SCP2: variants seen among roughly 807,000 people sequenced by gnomAD.
SCP2 encodes the protein sterol carrier protein 2.
A neutral mutation model predicts 71.4 loss-of-function variants in SCP2; 48 were observed. That is an observed-to-expected ratio of 0.67 (90% CI 0.53 to 0.86). The LOEUF (loss-of-function observed/expected upper bound fraction) is 0.86. Ranked by LOEUF, SCP2 falls within the 40% of genes least tolerant of loss-of-function variation. SCP2 has a pLI of 0.00. For missense variants in SCP2, 560 were observed against 655.6 expected (o/e 0.85, Z 1.59); for synonymous variants, 220 against 218.1 (o/e 1.01, Z -0.08).
chr1:53,024,175 A>G (rs1370723915), intron 12 of SCP2, among the ~76,000 whole-genome samples: 1 of 152,228 alleles, frequency 6.6e-6, no homozygotes, highest in Non-Finnish European at 1.5e-5. Context: ...ACATTATGCC[A>G]AGTGATATGT....
chr1:52,995,984 A>G, intron 11 of SCP2: 1 of 1,407,154 alleles, frequency 7.1e-7, no homozygotes, highest in South Asian at 2.1e-5. Flanking sequence ...CCACCACAGA[A>G]GAGGAGGAGG....
At chr1:52,939,868 T>C (rs1288548427) in intron 1 of SCP2, among the ~76,000 whole-genome samples, 1 of 151,932 alleles carries the variant, frequency 6.6e-6, no homozygotes, top group African/African-American at 2.4e-5. Flanking sequence ...CAGGGTTTCA[T>C]CATGTTGACC....
intron 11 of SCP2, among the ~76,000 whole-genome samples, chr1:53,010,260 C>T (rs543947859): frequency 1.3e-5 from 2 of 152,272 alleles, no homozygotes; most frequent in South Asian, 4.2e-4. Flanking sequence ...GCATTTGACC[C>T]AGCCATCCCA....
At chr1:53,013,503 G>A (rs1353947600) in intron 11 of SCP2, among the ~76,000 whole-genome samples, 2 of 151,900 alleles carry the variant, frequency 1.3e-5, no homozygotes, top group African/African-American at 4.8e-5. Flanking sequence ...GCTGAGGCAG[G>A]AGAATCGCTG....
chr1:53,004,273 C>T (rs1660490595), intron 11 of SCP2, among the ~76,000 whole-genome samples: 2 of 152,126 alleles, frequency 1.3e-5, no homozygotes, highest in Admixed American at 6.5e-5. Flanking sequence ...AGACTGTAAT[C>T]GACTGAGGGT....
chr1:53,028,204 T>C, intron 13 of SCP2, 133 bp downstream of exon 13: 1 of 642,188 alleles, frequency 1.6e-6, no homozygotes, highest in Non-Finnish European at 2.9e-6. Flanking sequence ...GTAGTTAGAT[T>C]TCTGAGTGTC....
intron 4 of SCP2, among the ~76,000 whole-genome samples, chr1:52,954,063 G>C (rs1224484495): frequency 1.3e-5 from 2 of 150,778 alleles, no homozygotes; most frequent in African/African-American, 4.9e-5. Flanking sequence ...TGTAATCCTA[G>C]CACTTGGGAG....
intron 15 of SCP2, chr1:53,049,608 C>T (rs191228641): frequency 5.9e-5 from 9 of 152,264 alleles, no homozygotes; most frequent in African/African-American, 1.9e-4. Flanking sequence ...AGAAAGGTGG[C>T]GAGTTTCTCC....
chr1:52,976,910 CT>C (rs1658023205), intron 8 of SCP2, 141 bp downstream of exon 8: 1 of 640,398 alleles, frequency 1.6e-6, no homozygotes, highest in East Asian at 2.8e-5. Flanking sequence ...CTCTGGGTCA[CT>C]TCACTAGAGT....
intron 5 of SCP2, among the ~76,000 whole-genome samples, chr1:52,960,476 G>GTA (rs1410619162): frequency 7.8e-6 from 1 of 128,398 alleles, no homozygotes; most frequent in Non-Finnish European, 1.7e-5. Context: ...TGGCTACTAT[G>GTA]TATATGTGTG....
At chr1:53,035,069 C>G (rs1662826739) in intron 13 of SCP2, among the ~76,000 whole-genome samples, 2 of 151,332 alleles carry the variant, frequency 1.3e-5, no homozygotes, top group African/African-American at 4.9e-5. Flanking sequence ...CACGCCACTG[C>G]ACTCCCAGCC....
Position 53,051,372 on chromosome 1 carries a change from A to G in SCP2, c.*668A>G, listed in dbSNP as rs1388657659. On this transcript the variant is annotated 3_prime_UTR_variant, in exon 16 of 16. Coordinates refer to ENST00000371514, the MANE Select transcript of SCP2 (RefSeq NM_002979.5). ...GTCATAAAACACCATCATTAAGAAT[A>G]ATTGAACAATAAAGTTTGCTTTCAG... The G allele has an allele frequency of 6.6e-6, 1 of 152,236 alleles. No homozygotes were observed. Among genetic ancestry groups the G allele is most frequent in the Non-Finnish European group, 1.5e-5 (1 of 68,038 alleles). 9.4% of individuals were successfully genotyped at this position (152,236 alleles called of 1,614,324 possible). A position where few individuals can be genotyped will look rare whatever the true frequency, so the allele number is the denominator to read the frequency against.
At chr1:52,954,677 T>G (rs1228214855) in intron 4 of SCP2, 63 bp from the exon 5 acceptor site, 1 of 1,265,802 alleles carries the variant, frequency 7.9e-7, no homozygotes. Flanking sequence ...ATTGAAGTAT[T>G]TAATGGTATT....
chr1:52,992,935 A>G (rs1392017641), intron 11 of SCP2, among the ~76,000 whole-genome samples: 1 of 152,240 alleles, frequency 6.6e-6, no homozygotes, highest in Non-Finnish European at 1.5e-5. Context: ...AAGCACTTAA[A>G]AAAAGAGCAT....
At chr1:52,988,994 A>G (rs1659238339) in intron 11 of SCP2, among the ~76,000 whole-genome samples, 2 of 152,156 alleles carry the variant, frequency 1.3e-5, no homozygotes. Context: ...CGGCCACAAC[A>G]TGCATTTTTA....
chr1:52,976,187 G>C (rs181015452), intron 7 of SCP2, among the ~76,000 whole-genome samples: 1 of 152,058 alleles, frequency 6.6e-6, no homozygotes, highest in Non-Finnish European at 1.5e-5. Context: ...AGGAAGCCCC[G>C]CTGAACACCA....
chr1:52,959,740 T>G (rs576210627), intron 5 of SCP2, among the ~76,000 whole-genome samples: 1 of 152,264 alleles, frequency 6.6e-6, no homozygotes, highest in African/African-American at 2.4e-5. Context: ...GTCTTTTTAA[T>G]GTAGGATCTT....
chr1:53,043,723 T>C (rs1663587298), intron 14 of SCP2, among the ~76,000 whole-genome samples: 1 of 152,232 alleles, frequency 6.6e-6, no homozygotes, highest in Non-Finnish European at 1.5e-5. Flanking sequence ...CAGATTTTAC[T>C]TCCTGAAGCC....
intron 5 of SCP2, among the ~76,000 whole-genome samples, chr1:52,960,526 GTGTATATATATGTA>G (rs1656269465): frequency 7.4e-6 from 1 of 136,012 alleles, no homozygotes; most frequent in East Asian, 2.5e-4. Flanking sequence ...GTGTATATGT[GTGTATATATATGTA>G]TGTATATACA....
Sources: allele counts gnomAD v4.1 joint callset (sites outside exome capture counted in the v4.1 genomes callset), GRCh38; gene constraint gnomAD v4.1.1; transcripts MANE v1.5; gene names NCBI Gene and HGNC (gene_info 2026-07-23, HGNC 2026-07-21).